Variants in TMEM67 observed in about 807,000 individuals in gnomAD.
TMEM67 encodes transmembrane protein 67.
Under a neutral mutation model 136.6 loss-of-function variants are expected in TMEM67, and 124 were observed. The ratio of observed to expected loss-of-function variants is 0.91; its 90% CI spans 0.78 to 1.05. The LOEUF is 1.05. TMEM67 is among the 50% of genes least tolerant of loss of function. TMEM67 has a pLI of 0.00. For synonymous variants in TMEM67, 364 were observed against 390.5 expected (o/e 0.93, Z 0.80); for missense variants, 1,107 against 1,178.4 (o/e 0.94, Z 0.89).
In TMEM67 at chr8:93,813,234, A is replaced by C. The variant is rs188424106; in HGVS notation, c.2765-2071A>C. Among the ~76,000 whole-genome samples the C allele has an allele frequency of 1.0e-3, 154 of 151,818 alleles. 1 individual carries two copies. The highest frequency in any genetic ancestry group is 3.7e-3 in the African/African-American group (153 of 41,370). ...CGCTCTGTTGTCTAGGCTGGAGTGC[A>C]GTGGCACAATCTCGGCTCACTGCAA... On this transcript the variant is annotated intron_variant, in intron 26 of 27. Transcript: ENST00000453321.
chr8:93,759,994 G>A, intron 3 of TMEM67: 1 of 1,520,514 alleles, frequency 6.6e-7, no homozygotes, highest in Non-Finnish European at 8.9e-7. Context: ...GAAGAAATTT[G>A]TGAGTATTAC....
chr8:93,785,513 C>T (rs923625666), intron 12 of TMEM67, 135 bp downstream of exon 12: 5 of 828,414 alleles, frequency 6.0e-6, no homozygotes, highest in African/African-American at 5.3e-5. Flanking sequence ...TACAGTGTGC[C>T]AAAAAATGAA....
intron 3 of TMEM67, among the ~76,000 whole-genome samples, chr8:93,763,555 C>G (rs1223269379): frequency 6.6e-6 from 1 of 152,058 alleles, no homozygotes; most frequent in Non-Finnish European, 1.5e-5. Context: ...GAAAAAAATA[C>G]TGACTTAATT....
At chr8:93,811,763 T>G (rs930658947) in intron 26 of TMEM67, among the ~76,000 whole-genome samples, 2 of 152,002 alleles carry the variant, frequency 1.3e-5, no homozygotes, top group African/African-American at 2.4e-5. Flanking sequence ...TCAAAATGAT[T>G]TAGAAACCAC....
chr8:93,787,261 T>A (rs1586052755), intron 13 of TMEM67, among the ~76,000 whole-genome samples: 1 of 152,052 alleles, frequency 6.6e-6, no homozygotes, highest in South Asian at 2.1e-4. Flanking sequence ...TTTTTTTTTT[T>A]AATTTAAAAA....
intron 6 of TMEM67, chr8:93,769,615 G>A (rs1337139782): frequency 6.0e-6 from 1 of 167,082 alleles, no homozygotes; most frequent in Non-Finnish European, 1.5e-5. Flanking sequence ...TGTATAAAAC[G>A]TGTAAGCAAA....
At position 93,804,560 on chromosome 8, in the gene TMEM67, C is replaced by A. The variant is rs116281151; in HGVS notation, c.2323-202C>A. 2.1e-3 allele frequency among the ~76,000 whole-genome samples: 255 copies of A among 123,998 alleles called. 1 individual carries two copies. The highest frequency in any genetic ancestry group is 7.5e-3 in the African/African-American group (248 of 32,920). 81.3% of individuals were successfully genotyped at this position (123,998 alleles called of 152,430 possible). On this transcript the variant is annotated intron_variant, in intron 22 of 27. Coordinates refer to ENST00000453321, the MANE Select transcript of TMEM67 (RefSeq NM_153704.6). Reference sequence around the variant, plus strand: ...TGTTTCTCCCTTTCTTGGAAAATATCTTCAATCTCTTTTTCAAACATTTAA... The same window carrying A: ...TGTTTCTCCCTTTCTTGGAAAATATATTCAATCTCTTTTTCAAACATTTAA...
chr8:93,826,002 C>G, the TMEM67 span, among the ~76,000 whole-genome samples: 3 of 151,928 alleles, frequency 2.0e-5, no homozygotes, highest in Non-Finnish European at 4.4e-5. Flanking sequence ...AACTGCCTTA[C>G]AGGCAGAATA....
chr8:93,800,429 G>A (rs1280836210), intron 21 of TMEM67, among the ~76,000 whole-genome samples: 1 of 152,118 alleles, frequency 6.6e-6, no homozygotes, highest in Non-Finnish European at 1.5e-5. Context: ...CTGTATAGAT[G>A]GGTTCCAGCA....
At chr8:93,827,579 CTTTTTTT>C in the TMEM67 span, among the ~76,000 whole-genome samples, 1 of 136,478 alleles carries the variant, frequency 7.3e-6, no homozygotes, top group Non-Finnish European at 1.6e-5. Flanking sequence ...TGTATTTTTT[CTTTTTTT>C]TTTTTTTGTA....
At chr8:93,766,984 T>C (rs1369565761) in intron 6 of TMEM67, among the ~76,000 whole-genome samples, 3 of 152,178 alleles carry the variant, frequency 2.0e-5, no homozygotes, top group African/African-American at 7.2e-5. Flanking sequence ...TTTTCCTTTT[T>C]TCCTTTTTCA....
chr8:93,826,030 T>C, the TMEM67 span, among the ~76,000 whole-genome samples: 4 of 151,438 alleles, frequency 2.6e-5, no homozygotes, highest in Non-Finnish European at 4.4e-5. Flanking sequence ...CATAATAGAC[T>C]CATTTCTATA....
chr8:93,781,982 G>A lies in TMEM67; in HGVS notation c.1065+238G>A, dbSNP rs545400997. On this transcript the variant is annotated intron_variant, in intron 10 of 27. Coordinates refer to ENST00000453321, the MANE Select transcript of TMEM67 (RefSeq NM_153704.6). ...TAACCAGGCTGGAGTGCAGTGGCGC[G>A]ATCTCAGCTCACTACAAGCTCCGCC... Among the ~76,000 whole-genome samples, 205 of 151,610 alleles carry A rather than the reference G, an allele frequency of 1.4e-3. 1 individual carries two copies. The highest frequency in any genetic ancestry group is 5.1e-3 in the East Asian group (26 of 5,144).
At chr8:93,775,845 T>C (rs1319896214) in intron 7 of TMEM67, among the ~76,000 whole-genome samples, 1 of 152,218 alleles carries the variant, frequency 6.6e-6, no homozygotes, top group Non-Finnish European at 1.5e-5. Flanking sequence ...GGCTCTTTTT[T>C]GGTTCCACAG....
chr8:93,815,553 A>G (rs1400866160), intron 27 of TMEM67, 106 bp downstream of exon 27: 7 of 1,080,530 alleles, frequency 6.5e-6, no homozygotes, highest in Non-Finnish European at 9.5e-6. Flanking sequence ...TTTTACTACA[A>G]TTTTGTAAAG....
intron 22 of TMEM67, among the ~76,000 whole-genome samples, chr8:93,804,310 C>CTTTTTTTTTTTTTTTTTTTTTTT (rs1182297223): frequency 1.1e-5 from 1 of 93,810 alleles, no homozygotes; most frequent in Non-Finnish European, 2.1e-5. Flanking sequence ...CTTTTCTTTT[C>CTTTTTTTTTTTTTTTTTTTTTTT]TTTTTTTTTT....
At chr8:93,816,341 C>G (rs1313338216) in intron 27 of TMEM67, 31 bp from the exon 28 acceptor site, 3 of 1,091,844 alleles carry the variant, frequency 2.7e-6, no homozygotes, top group African/African-American at 3.1e-5. Context: ...GTTTATATTT[C>G]TTTTCATTCT....
At chr8:93,785,527 A>G (rs1386217990) in intron 12 of TMEM67, 149 bp downstream of exon 12, 3 of 744,884 alleles carry the variant, frequency 4.0e-6, no homozygotes, top group Non-Finnish European at 4.3e-6. Context: ...AAATGAAACA[A>G]TAAATTGCTG....
At chr8:93,760,057 T>C in intron 3 of TMEM67, 6 of 1,246,710 alleles carry the variant, frequency 4.8e-6, no homozygotes, top group Non-Finnish European at 6.4e-6. Flanking sequence ...TATTTTTGGA[T>C]GGGAAGATTA....
Sources: allele counts gnomAD v4.1 joint callset (sites outside exome capture counted in the v4.1 genomes callset), GRCh38; gene constraint gnomAD v4.1.1; transcripts MANE v1.5; gene names NCBI Gene and HGNC (gene_info 2026-07-23, HGNC 2026-07-21).